The following CDH13 variants were observed in gnomAD, a reference collection of about 807,000 sequenced individuals.
CDH13 encodes the protein cadherin 13.
Under a neutral mutation model 63.8 loss-of-function variants are expected in CDH13, and 24 were observed. The observed-to-expected ratio is 0.38, with a 90% CI of 0.27 to 0.53. The LOEUF (loss-of-function observed/expected upper bound fraction) is 0.53. CDH13 is among the 20% of genes least tolerant of loss of function. CDH13 has a pLI of 0.85. For synonymous variants in CDH13, 503 were observed against 355.3 expected, an observed-to-expected ratio of 1.42 and a Z score of -4.67; for missense variants, 1,049 against 903.1, an observed-to-expected ratio of 1.16 and a Z score of -2.07.
chr16:82,645,043 A>C (rs987254339), intron 1 of CDH13, among the ~76,000 whole-genome samples: 7 of 152,142 alleles, frequency 4.6e-5, no homozygotes, highest in Admixed American at 3.9e-4. Context: ...TCAGTTTCAG[A>C]GGGCTCTTCC....
At chr16:83,545,760 C>T (rs1219405975) in intron 7 of CDH13, among the ~76,000 whole-genome samples, 5 of 152,294 alleles carry the variant, frequency 3.3e-5, no homozygotes, top group East Asian at 1.9e-4. Flanking sequence ...TCTGCCCACC[C>T]TTTATCTGCC....
At position 83,304,599 on chromosome 16, in the gene CDH13, C is replaced by G. The variant is rs547166673; in HGVS notation, c.637-40263C>G. Among the ~76,000 whole-genome samples the G allele has an allele frequency of 1.4e-3, 218 of 152,188 alleles. 1 individual carries two copies. The highest frequency in any genetic ancestry group is 5.0e-3 in the African/African-American group (207 of 41,526). On this transcript the variant is annotated intron_variant, in intron 5 of 13. Coordinates refer to ENST00000567109, the MANE Select transcript of CDH13 (RefSeq NM_001257.5). ...TCGATACATATGGGATCTTGGCCAG[C>G]TGGATAAATAAATGAGTATTGTTTT...
intron 7 of CDH13, among the ~76,000 whole-genome samples, chr16:83,502,718 C>G (rs1222640001): frequency 6.6e-6 from 1 of 152,182 alleles, no homozygotes; most frequent in Non-Finnish European, 1.5e-5. Flanking sequence ...GCATGAAATA[C>G]ATTAGCTTCA....
intron 8 of CDH13, among the ~76,000 whole-genome samples, chr16:83,605,605 C>A (rs1908253579): frequency 6.6e-6 from 1 of 152,112 alleles, no homozygotes; most frequent in Admixed American, 6.5e-5. Flanking sequence ...CTAGATAGTG[C>A]CTGTCGCCCA....
At chr16:83,464,313 G>T (rs965333720) in intron 6 of CDH13, among the ~76,000 whole-genome samples, 1 of 152,008 alleles carries the variant, frequency 6.6e-6, no homozygotes, top group African/African-American at 2.4e-5. Flanking sequence ...AGGAGTTCAA[G>T]ACCAGCCTGG....
At chr16:82,826,050 T>A (rs1313502624) in intron 1 of CDH13, 1 of 152,012 alleles carries the variant, frequency 6.6e-6, no homozygotes, top group Non-Finnish European at 1.5e-5. Flanking sequence ...AGAGTCGGGG[T>A]TTCACCATGT....
chr16:82,914,410 C>G (rs1184624604), intron 2 of CDH13, among the ~76,000 whole-genome samples: 1 of 152,148 alleles, frequency 6.6e-6, no homozygotes, highest in East Asian at 1.9e-4. Context: ...CAATTTTAAG[C>G]AAATTTTCTA....
chr16:82,816,628 G>A (rs191043622), intron 1 of CDH13, among the ~76,000 whole-genome samples: 2 of 152,172 alleles, frequency 1.3e-5, no homozygotes, highest in East Asian at 1.9e-4. Flanking sequence ...GAGAGTGCCT[G>A]GTGTGTCTGA....
At chr16:83,390,572 G>A (rs996985587) in intron 6 of CDH13, among the ~76,000 whole-genome samples, 1 of 151,822 alleles carries the variant, frequency 6.6e-6, no homozygotes, top group Non-Finnish European at 1.5e-5. Context: ...CTATCAACAG[G>A]AACTGCTGTT....
intron 2 of CDH13, among the ~76,000 whole-genome samples, chr16:82,909,191 C>T (rs931082210): frequency 6.6e-6 from 1 of 151,402 alleles, no homozygotes; most frequent in South Asian, 2.1e-4. Flanking sequence ...ACAATATTTT[C>T]AATCCATGAT....
intron 2 of CDH13, among the ~76,000 whole-genome samples, chr16:82,873,402 T>C (rs374873837): frequency 1.3e-5 from 2 of 152,216 alleles, no homozygotes; most frequent in Non-Finnish European, 2.9e-5. Flanking sequence ...CCATTATCTT[T>C]CCATATGGAA....
At chr16:82,682,094 G>T (rs1478167213) in intron 1 of CDH13, among the ~76,000 whole-genome samples, 2 of 152,212 alleles carry the variant, frequency 1.3e-5, no homozygotes, top group Non-Finnish European at 2.9e-5. Context: ...AATTTTTATT[G>T]TTAAAATGTG....
intron 7 of CDH13, among the ~76,000 whole-genome samples, chr16:83,498,607 G>C (rs1381803306): frequency 3.9e-5 from 6 of 152,160 alleles, no homozygotes; most frequent in African/African-American, 1.4e-4. Flanking sequence ...TCAGTAAAGT[G>C]CCCTGGTTAC....
chr16:83,256,314 T>G (rs773905306), intron 5 of CDH13, among the ~76,000 whole-genome samples: 1 of 152,126 alleles, frequency 6.6e-6, no homozygotes, highest in Non-Finnish European at 1.5e-5. Flanking sequence ...ATTACGAGCA[T>G]GTACCACTAC....
intron 6 of CDH13, among the ~76,000 whole-genome samples, chr16:83,468,658 G>T (rs1388255206): frequency 6.6e-6 from 1 of 152,142 alleles, no homozygotes; most frequent in African/African-American, 2.4e-5. Context: ...TCAGACTGCT[G>T]CCTCTCTGCC....
At chr16:83,301,619 G>C (rs149129869) in intron 5 of CDH13, among the ~76,000 whole-genome samples, 1 of 152,238 alleles carries the variant, frequency 6.6e-6, no homozygotes, top group African/African-American at 2.4e-5. Context: ...TTGTTCTAGG[G>C]AAGCCGTGTT....
intron 3 of CDH13, among the ~76,000 whole-genome samples, chr16:83,039,234 C>T (rs1208753089): frequency 1.3e-5 from 2 of 152,340 alleles, no homozygotes; most frequent in African/African-American, 4.8e-5. Flanking sequence ...TTAATAGGCT[C>T]TCACTTCCTG....
At chr16:83,119,894 T>C (rs2035486499) in intron 3 of CDH13, among the ~76,000 whole-genome samples, 1 of 152,136 alleles carries the variant, frequency 6.6e-6, no homozygotes, top group African/African-American at 2.4e-5. Flanking sequence ...AAACACATAC[T>C]TATAGATATA....
intron 7 of CDH13, among the ~76,000 whole-genome samples, chr16:83,583,449 A>T (rs1304778779): frequency 6.6e-6 from 1 of 152,218 alleles, no homozygotes; most frequent in Non-Finnish European, 1.5e-5. Context: ...TCCAGGATTT[A>T]TTGCACATCT....
Sources: allele counts gnomAD v4.1 joint callset (sites outside exome capture counted in the v4.1 genomes callset), GRCh38; gene constraint gnomAD v4.1.1; transcripts MANE v1.5; gene names NCBI Gene and HGNC (gene_info 2026-07-23, HGNC 2026-07-21).